The following EIF2B3 variants were observed in gnomAD, a reference collection of about 807,000 sequenced individuals.
EIF2B3 encodes the protein eukaryotic translation initiation factor 2B subunit gamma, also known as translation initiation factor eIF2B subunit gamma.
A neutral mutation model predicts 54.1 loss-of-function variants in EIF2B3; 20 were observed. The ratio of observed to expected loss-of-function variants is 0.37; its 90% CI spans 0.26 to 0.54. The LOEUF (loss-of-function observed/expected upper bound fraction) is 0.54. EIF2B3 is among the 20% of genes least tolerant of loss of function. The pLI is 0.86. For missense variants in EIF2B3, 448 were observed against 547.8 expected (o/e 0.82, Z 1.82); for synonymous variants, 153 against 188.1 (o/e 0.81, Z 1.52).
chr1:44,919,473 T>G (rs572304880), intron 5 of EIF2B3, among the ~76,000 whole-genome samples: 44 of 152,176 alleles, frequency 2.9e-4, no homozygotes, highest in Middle Eastern at 3.2e-3. Context: ...TCTAGGTGCT[T>G]ACCAATAGTT....
chr1:44,870,414 C>T (rs1430466251), intron 10 of EIF2B3, among the ~76,000 whole-genome samples: 1 of 152,130 alleles, frequency 6.6e-6, no homozygotes, highest in African/African-American at 2.4e-5. Context: ...CACCACCATC[C>T]ACTCTTTCCG....
intron 3 of EIF2B3, among the ~76,000 whole-genome samples, chr1:44,954,954 G>C (rs977728163): frequency 5.3e-5 from 8 of 152,070 alleles, no homozygotes; most frequent in Admixed American, 6.5e-5. Flanking sequence ...TTTATTGAAG[G>C]CTTTTTCTGC....
chr1:44,926,815 T>C, intron 4 of EIF2B3, 76 bp from the exon 5 acceptor site: 1 of 1,223,306 alleles, frequency 8.2e-7, no homozygotes, highest in Non-Finnish European at 1.2e-6. Context: ...GGGAACACAG[T>C]ATCTGCTCAG....
chr1:44,877,192 T>TTAAAAAAAAAAAAA (rs1553169362), intron 8 of EIF2B3, among the ~76,000 whole-genome samples: 1 of 52,056 alleles, frequency 1.9e-5, no homozygotes, highest in Non-Finnish European at 3.5e-5. Flanking sequence ...GAATGATCAA[T>TTAAAAAAAAAAAAA]AAAAAAAAAA....
chr1:44,924,788 C>T (rs1372182250), intron 5 of EIF2B3, among the ~76,000 whole-genome samples: 1 of 152,098 alleles, frequency 6.6e-6, no homozygotes, highest in Non-Finnish European at 1.5e-5. Flanking sequence ...TATGGTTATA[C>T]AGTTGCATAG....
chr1:44,913,630 A>T (rs1643560900), intron 5 of EIF2B3, among the ~76,000 whole-genome samples: 1 of 152,050 alleles, frequency 6.6e-6, no homozygotes, highest in African/African-American at 2.4e-5. Flanking sequence ...TCCGCCTCCC[A>T]AGTAGCTGGG....
chr1:44,981,910 T>G (rs1644517442), intron 1 of EIF2B3, among the ~76,000 whole-genome samples: 1 of 127,172 alleles, frequency 7.9e-6, no homozygotes, highest in Admixed American at 9.4e-5. Context: ...ACCACTGCAC[T>G]CCAACCTGTG....
At chr1:44,901,189 C>G (rs1453728251) in intron 5 of EIF2B3, among the ~76,000 whole-genome samples, 2 of 151,774 alleles carry the variant, frequency 1.3e-5, no homozygotes, top group Non-Finnish European at 2.9e-5. Context: ...GATCTCGGCT[C>G]ACTGCAACCC....
chr1:44,902,968 C>T (rs1643344315), intron 5 of EIF2B3, among the ~76,000 whole-genome samples: 1 of 151,538 alleles, frequency 6.6e-6, no homozygotes, highest in African/African-American at 2.4e-5. Context: ...CAAGTTTGTT[C>T]CAAATATTAA....
chr1:44,900,094 A>G (rs1414833747), intron 5 of EIF2B3, among the ~76,000 whole-genome samples: 1 of 152,220 alleles, frequency 6.6e-6, no homozygotes, highest in African/African-American at 2.4e-5. Context: ...AGAAAACCAG[A>G]TATTACATGG....
chr1:44,984,817 T>TTTTTTTTTTTTTTTTTAA, intron 1 of EIF2B3, among the ~76,000 whole-genome samples: 2 of 135,198 alleles, frequency 1.5e-5, no homozygotes, highest in African/African-American at 5.6e-5. Flanking sequence ...TTTTTTTTTT[T>TTTTTTTTTTTTTTTTTAA]GAGACGGAGT....
intron 5 of EIF2B3, among the ~76,000 whole-genome samples, chr1:44,919,793 C>T (rs564776239): frequency 1.3e-3 from 190 of 149,728 alleles, no homozygotes; most frequent in African/African-American, 4.4e-3. Flanking sequence ...CTCGGCTCAC[C>T]GCAATCTCCA....
At chr1:44,888,217 TCA>T (rs1225512871) in intron 6 of EIF2B3, among the ~76,000 whole-genome samples, 2 of 151,390 alleles carry the variant, frequency 1.3e-5, no homozygotes, top group Non-Finnish European at 3.0e-5. Flanking sequence ...CTATGTTTTG[TCA>T]CATGTATTTT....
At chr1:44,984,318 C>T (rs1644546192) in intron 1 of EIF2B3, among the ~76,000 whole-genome samples, 1 of 152,026 alleles carries the variant, frequency 6.6e-6, no homozygotes, top group Admixed American at 6.6e-5. Flanking sequence ...CATGGTGAGA[C>T]CCCATCTCTA....
chr1:44,895,400 T>A (rs189949858), intron 6 of EIF2B3, among the ~76,000 whole-genome samples: 2 of 152,286 alleles, frequency 1.3e-5, no homozygotes, highest in African/African-American at 4.8e-5. Context: ...GCTGTAAAAC[T>A]GCCTGCATAT....
At chr1:44,929,901 A>C (rs1001654149) in intron 4 of EIF2B3, among the ~76,000 whole-genome samples, 1 of 152,230 alleles carries the variant, frequency 6.6e-6, no homozygotes, top group Admixed American at 6.5e-5. Context: ...TGTGATACAA[A>C]TTATAGAAAC....
At chr1:44,913,909 C>T (rs974520503) in intron 5 of EIF2B3, among the ~76,000 whole-genome samples, 1 of 149,706 alleles carries the variant, frequency 6.7e-6, no homozygotes, top group African/African-American at 2.5e-5. Context: ...TCACTGCAAC[C>T]TCCGCCTCCC....
At chr1:44,918,171 C>T (rs1211503067) in intron 5 of EIF2B3, among the ~76,000 whole-genome samples, 2 of 149,740 alleles carry the variant, frequency 1.3e-5, no homozygotes, top group Non-Finnish European at 1.5e-5. Context: ...GTAATCTCTG[C>T]CTCCCAAGTT....
chr1:44,935,045 A>T lies in EIF2B3; in HGVS notation c.454+6461T>A, dbSNP rs533936976. 6.6e-5 allele frequency among the ~76,000 whole-genome samples: 10 copies of T among 152,370 alleles called. 1 individual carries two copies. In the South Asian group the frequency reaches 2.1e-3, roughly 32 times the overall value. On this transcript the variant is annotated intron_variant, in intron 4 of 11. Transcript: ENST00000360403. Reference sequence around the variant, plus strand: ...TTCACTCATGGTTCTGAAGTACATTAACATGTACTGATTCTAGTCTGGGCC... The same window carrying T: ...TTCACTCATGGTTCTGAAGTACATTTACATGTACTGATTCTAGTCTGGGCC...
Sources: gnomAD v4.1 joint callset for allele counts (sites outside exome capture counted in the v4.1 genomes callset) on GRCh38, gnomAD v4.1.1 for gene constraint, MANE v1.5 for transcripts, NCBI Gene and HGNC (gene_info 2026-07-23, HGNC 2026-07-21) for gene names.